The following SETBP1 variants were observed in gnomAD, a reference collection of about 807,000 sequenced individuals.
SETBP1 encodes the protein SET binding protein 1, also known as SET-binding protein.
A neutral mutation model predicts 101.0 loss-of-function variants in SETBP1; 9 were observed. The ratio of observed to expected loss-of-function variants is 0.09; its 90% CI spans 0.05 to 0.16. The LOEUF (loss-of-function observed/expected upper bound fraction) is 0.16, where lower values mean the gene tolerates loss of function less well. Among genes scored for constraint, SETBP1 ranks in the 10% least tolerant of loss-of-function variants. The pLI is 1.00. For missense variants in SETBP1, 1,858 were observed against 2,033.8 expected (o/e 0.91, Z 1.66); for synonymous variants, 818 against 788.5 (o/e 1.04, Z -0.63).
intron 3 of SETBP1, among the ~76,000 whole-genome samples, chr18:44,906,984 C>G (rs1388305514): frequency 6.6e-6 from 1 of 152,048 alleles, no homozygotes; most frequent in Non-Finnish European, 1.5e-5. Context: ...TTTTCATCAC[C>G]CCACAAAATA....
chr18:44,751,550 TTTA>T (rs2144536696), intron 2 of SETBP1, among the ~76,000 whole-genome samples: 1 of 150,326 alleles, frequency 6.7e-6, no homozygotes, highest in South Asian at 2.1e-4. Flanking sequence ...ATTTGCAGGT[TTTA>T]TTGTTATTTG....
At chr18:44,742,974 C>A (rs1398642322) in intron 2 of SETBP1, among the ~76,000 whole-genome samples, 2 of 139,166 alleles carry the variant, frequency 1.4e-5, no homozygotes, top group Non-Finnish European at 3.2e-5. Flanking sequence ...TCTCTCTCCC[C>A]CCCTGTCCCG....
intron 4 of SETBP1, among the ~76,000 whole-genome samples, chr18:45,006,140 G>C (rs1304298398): frequency 6.6e-6 from 1 of 151,420 alleles, no homozygotes; most frequent in South Asian, 2.1e-4. Context: ...TTTTAGTAGA[G>C]ACAGGGTTTC....
intron 2 of SETBP1, among the ~76,000 whole-genome samples, chr18:44,736,182 T>C (rs2069962256): frequency 6.6e-6 from 1 of 152,000 alleles, no homozygotes; most frequent in African/African-American, 2.4e-5. Flanking sequence ...CCCAGGAGGT[T>C]GAGACCAGCC....
At chr18:44,962,179 G>A (rs2071626237) in intron 4 of SETBP1, among the ~76,000 whole-genome samples, 1 of 152,220 alleles carries the variant, frequency 6.6e-6, no homozygotes, top group Non-Finnish European at 1.5e-5. Flanking sequence ...AACAATGGGA[G>A]CTGCGGGGAC....
chr18:44,848,074 TG>T (rs2072759529), intron 2 of SETBP1, among the ~76,000 whole-genome samples: 2 of 58,216 alleles, frequency 3.4e-5, no homozygotes, highest in Admixed American at 3.1e-4. Context: ...TCTCTGAAGG[TG>T]TGTGTGTGTG....
At chr18:44,902,683 T>C (rs2070079623) in intron 3 of SETBP1, among the ~76,000 whole-genome samples, 1 of 152,120 alleles carries the variant, frequency 6.6e-6, no homozygotes, top group South Asian at 2.1e-4. Context: ...CATGTCTTTT[T>C]ATAAAAAAAG....
intron 3 of SETBP1, among the ~76,000 whole-genome samples, chr18:44,927,350 C>T (rs1160633332): frequency 6.6e-6 from 1 of 152,154 alleles, no homozygotes; most frequent in African/African-American, 2.4e-5. Flanking sequence ...CGCCAGTGCT[C>T]ATCATTGAAA....
intron 2 of SETBP1, among the ~76,000 whole-genome samples, chr18:44,796,948 T>C (rs1415693230): frequency 6.6e-6 from 1 of 152,214 alleles, no homozygotes; most frequent in East Asian, 1.9e-4. Flanking sequence ...CCTTTTCCCT[T>C]CTGGACTTCC....
intron 3 of SETBP1, chr18:44,869,633 C>T (rs12954183): frequency 0.22 from 78,957 of 353,254 alleles, 10,046 homozygotes; most frequent in East Asian, 0.31. Context: ...CTGCATTTCT[C>T]TCTTTTTGGA....
At chr18:44,902,808 A>G (rs931305815) in intron 3 of SETBP1, among the ~76,000 whole-genome samples, 1 of 152,138 alleles carries the variant, frequency 6.6e-6, no homozygotes, top group Non-Finnish European at 1.5e-5. Context: ...TTAGTGCCTC[A>G]TTAATTCAGC....
Position 44,701,240 on chromosome 18 carries a change from CTGGACCACTT to C in SETBP1, c.-104_-95del. ...ATCCCTGGGAATCTGACCCTAGCAACTGGACCACTTTGTTCTTGGAATTTTGGGTGTCCTC... is the reference window on the plus strand; with the variant it reads ...ATCCCTGGGAATCTGACCCTAGCAACTGTTCTTGGAATTTTGGGTGTCCTC... On this transcript the variant is annotated 5_prime_UTR_variant, in exon 2 of 6. Coordinates refer to ENST00000649279, the MANE Select transcript of SETBP1 (RefSeq NM_015559.3). 2 of 1,293,966 alleles carry C rather than the reference CTGGACCACTT, an allele frequency of 1.5e-6. No homozygotes were observed. The highest frequency in any genetic ancestry group is 2.1e-6 in the Non-Finnish European group (2 of 962,080). 80.2% of individuals were successfully genotyped at this position (1,293,966 alleles called of 1,614,324 possible). A position where few individuals can be genotyped will look rare whatever the true frequency, so the allele number is the denominator to read the frequency against.
At chr18:44,782,649 T>A (rs962335929) in intron 2 of SETBP1, among the ~76,000 whole-genome samples, 1 of 152,162 alleles carries the variant, frequency 6.6e-6, no homozygotes. Context: ...GAGAACTAGA[T>A]AATCTTTCAG....
chr18:44,821,552 T>G (rs1300443710), intron 2 of SETBP1, among the ~76,000 whole-genome samples: 1 of 152,228 alleles, frequency 6.6e-6, no homozygotes, highest in Non-Finnish European at 1.5e-5. Context: ...TAGGCATCCT[T>G]CTAACAGAGT....
At chr18:44,993,294 A>G (rs1216374594) in intron 4 of SETBP1, among the ~76,000 whole-genome samples, 4 of 152,108 alleles carry the variant, frequency 2.6e-5, no homozygotes, top group African/African-American at 9.6e-5. Flanking sequence ...GTTACATTAC[A>G]GGTCTCAGCC....
At chr18:44,958,800 G>A (rs1246275668) in intron 4 of SETBP1, among the ~76,000 whole-genome samples, 1 of 152,146 alleles carries the variant, frequency 6.6e-6, no homozygotes, top group Non-Finnish European at 1.5e-5. Context: ...CTATCTCTGG[G>A]GACCCATGTC....
intron 2 of SETBP1, among the ~76,000 whole-genome samples, chr18:44,796,719 T>G (rs2071484727): frequency 6.6e-6 from 1 of 152,222 alleles, no homozygotes; most frequent in Non-Finnish European, 1.5e-5. Context: ...CTTCTTTCAA[T>G]GTAGGGTTTC....
At chr18:44,986,342 G>A (rs927399809) in intron 4 of SETBP1, 4 of 152,188 alleles carry the variant, frequency 2.6e-5, no homozygotes, top group Non-Finnish European at 5.9e-5. Flanking sequence ...AGGACTGGAA[G>A]TTGCTCTGAG....
intron 3 of SETBP1, among the ~76,000 whole-genome samples, chr18:44,887,381 T>A (rs2069672457): frequency 6.6e-6 from 1 of 152,162 alleles, no homozygotes; most frequent in Non-Finnish European, 1.5e-5. Flanking sequence ...TCTACTGGGC[T>A]GCTGTTCTCA....
Sources: allele counts gnomAD v4.1 joint callset (sites outside exome capture counted in the v4.1 genomes callset), GRCh38; gene constraint gnomAD v4.1.1; transcripts MANE v1.5; gene names NCBI Gene and HGNC (gene_info 2026-07-23, HGNC 2026-07-21).